LINGO2: variants seen among roughly 807,000 people sequenced by gnomAD.
LINGO2 encodes the protein leucine-rich repeat and immunoglobulin-like domain-containing nogo receptor-interacting protein 2.
A neutral mutation model predicts 30.6 loss-of-function variants in LINGO2; 14 were observed. That is an observed-to-expected ratio of 0.46 (90% confidence interval 0.30 to 0.72). LINGO2 has a LOEUF of 0.72. LINGO2 is among the 30% of genes least tolerant of loss of function. LINGO2 has a pLI of 0.07. For missense variants in LINGO2, 729 were observed against 751.7 expected (o/e 0.97, Z 0.35); for synonymous variants, 317 against 288.5 (o/e 1.10, Z -1.00).
the LINGO2 span, among the ~76,000 whole-genome samples, chr9:28,918,016 G>A: frequency 1.3e-5 from 2 of 152,084 alleles, no homozygotes; most frequent in East Asian, 3.9e-4. Flanking sequence ...GATCCCTAAG[G>A]TATATTCAGC....
the LINGO2 span, among the ~76,000 whole-genome samples, chr9:28,963,464 G>A: frequency 6.7e-6 from 1 of 150,306 alleles, no homozygotes; most frequent in Non-Finnish European, 1.5e-5. Context: ...GTTTACTGTG[G>A]CATTATTCAC....
At chr9:28,016,642 G>A (rs1447140574) in intron 4 of LINGO2, among the ~76,000 whole-genome samples, 3 of 64,378 alleles carry the variant, frequency 4.7e-5, no homozygotes, top group African/African-American at 2.0e-4. Flanking sequence ...GGAAGACACT[G>A]AATCTCCAAA....
At chr9:28,970,963 CAA>C in the LINGO2 span, among the ~76,000 whole-genome samples, 3 of 152,090 alleles carry the variant, frequency 2.0e-5, no homozygotes, top group Admixed American at 6.6e-5. Context: ...CTTGCAGCTC[CAA>C]AAGAGACCCA....
chr9:28,959,612 T>TCTCTCACACACACACACACA, the LINGO2 span, among the ~76,000 whole-genome samples: 15 of 132,222 alleles, frequency 1.1e-4, no homozygotes, highest in African/African-American at 3.9e-4. Context: ...TCTCTCTCCC[T>TCTCTCACACACACACACACA]CACACACACA....
intron 5 of LINGO2, among the ~76,000 whole-genome samples, chr9:27,982,252 C>T (rs528284271): frequency 2.0e-5 from 3 of 151,776 alleles, no homozygotes; most frequent in Non-Finnish European, 4.4e-5. Context: ...CAGATGCATG[C>T]TCTCAATTGC....
Position 28,199,622 on chromosome 9 carries a change from G to A in LINGO2, c.-87+95586C>T, listed in dbSNP as rs577440617. 2.6e-5 allele frequency among the ~76,000 whole-genome samples: 4 copies of A among 152,286 alleles called. No homozygotes were observed. In the South Asian group the frequency reaches 8.3e-4, roughly 32 times the overall value. On this transcript the variant is annotated intron_variant, in intron 4 of 5. Transcript: ENST00000379992. ...CAAAGTGTTGGGATTACAGGCGTGA[G>A]CCACTGCGCCTGGCCCCTTCTTCAT...
intron 1 of LINGO2, among the ~76,000 whole-genome samples, chr9:28,664,202 G>C (rs1056304566): frequency 6.6e-6 from 1 of 152,100 alleles, no homozygotes; most frequent in Non-Finnish European, 1.5e-5. Flanking sequence ...GTACCTACTA[G>C]AAATTAGGTA....
In LINGO2 at chr9:28,365,248, T is replaced by C. The variant is rs117487592; in HGVS notation, c.-246+7588A>G. Among the ~76,000 whole-genome samples the C allele has an allele frequency of 8.2e-3, 1,244 of 152,034 alleles. 9 individuals are homozygous for C. Among genetic ancestry groups the C allele is most frequent in the South Asian group, 0.021 (102 of 4,822 alleles). ...AATAGAGGGAACGTGAAGAATTTAG[T>C]GTGGTTGGAACAAAGGGAGCTTTCT... On this transcript the variant is annotated intron_variant, in intron 3 of 5. Coordinates refer to ENST00000379992, the Ensembl canonical transcript of LINGO2.
At chr9:28,049,785 G>C (rs1824588809) in intron 4 of LINGO2, among the ~76,000 whole-genome samples, 1 of 150,454 alleles carries the variant, frequency 6.6e-6, no homozygotes, top group Non-Finnish European at 1.5e-5. Context: ...TGAGGTAGGA[G>C]GTAGGAGACA....
At chr9:28,766,676 T>C in the LINGO2 span, among the ~76,000 whole-genome samples, 1 of 151,980 alleles carries the variant, frequency 6.6e-6, no homozygotes, top group Non-Finnish European at 1.5e-5. Flanking sequence ...ATTACCTACA[T>C]GTTTGTCCAT....
the LINGO2 span, among the ~76,000 whole-genome samples, chr9:28,864,658 G>C: frequency 2.7e-5 from 4 of 149,726 alleles, no homozygotes; most frequent in South Asian, 8.5e-4. Flanking sequence ...ATGAACATAA[G>C]AGTCCTAGGC....
chr9:28,869,623 CAG>C, the LINGO2 span, among the ~76,000 whole-genome samples: 1 of 151,914 alleles, frequency 6.6e-6, no homozygotes. Context: ...GTGTGGTAGA[CAG>C]AGCCTGAGGA....
chr9:28,106,103 T>C (rs188003647), intron 4 of LINGO2, among the ~76,000 whole-genome samples: 5 of 152,216 alleles, frequency 3.3e-5, no homozygotes, highest in Non-Finnish European at 7.4e-5. Context: ...ATGCTCCTTA[T>C]GAGAATCTAA....
the LINGO2 span, among the ~76,000 whole-genome samples, chr9:28,772,654 T>C: frequency 3.6e-3 from 550 of 152,358 alleles, 4 homozygotes; most frequent in African/African-American, 0.012. Flanking sequence ...CTCTCTTTTT[T>C]GTACTTCAGT....
downstream of LINGO2, among the ~76,000 whole-genome samples, chr9:27,946,860 G>A (rs552117020): frequency 6.6e-6 from 1 of 152,188 alleles, no homozygotes; most frequent in Admixed American, 6.5e-5. Flanking sequence ...CCTTTATTAG[G>A]GGAGAAATGG....
chr9:29,057,814 G>A, the LINGO2 span, among the ~76,000 whole-genome samples: 2 of 152,064 alleles, frequency 1.3e-5, no homozygotes, highest in Non-Finnish European at 2.9e-5. Flanking sequence ...AGGGTTGGGA[G>A]ATATTAGAGT....
chr9:27,945,231 C>T (rs1226025759), downstream of LINGO2, among the ~76,000 whole-genome samples: 1 of 152,120 alleles, frequency 6.6e-6, no homozygotes, highest in Non-Finnish European at 1.5e-5. Flanking sequence ...ATCACATTCT[C>T]TCTTTTGTTC....
At chr9:28,237,443 T>G (rs1456571856) in intron 4 of LINGO2, among the ~76,000 whole-genome samples, 1 of 152,048 alleles carries the variant, frequency 6.6e-6, no homozygotes, top group Non-Finnish European at 1.5e-5. Flanking sequence ...TCACCACTTA[T>G]CTGTCACTCA....
the LINGO2 span, among the ~76,000 whole-genome samples, chr9:28,967,569 T>C: frequency 6.6e-6 from 1 of 152,174 alleles, no homozygotes; most frequent in Non-Finnish European, 1.5e-5. Context: ...ATCATGTTAT[T>C]ACTGTTGAAT....
Sources: gnomAD v4.1 joint callset for allele counts (sites outside exome capture counted in the v4.1 genomes callset) on GRCh38, gnomAD v4.1.1 for gene constraint, MANE v1.5 for transcripts, NCBI Gene and HGNC (gene_info 2026-07-23, HGNC 2026-07-21) for gene names.